The following ZDHHC11 variants were observed in gnomAD, a reference collection of about 807,000 sequenced individuals.
ZDHHC11 encodes zDHHC palmitoyltransferase 11.
ZDHHC11 carries 44 observed loss-of-function variants against 51.3 expected under a neutral mutation model. That is an observed-to-expected ratio of 0.86 (90% CI 0.67 to 1.10). The LOEUF (loss-of-function observed/expected upper bound fraction) is 1.10. Ranked by LOEUF, ZDHHC11 falls within the 50% of genes least tolerant of loss-of-function variation. The pLI is 0.00. For missense variants in ZDHHC11, 400 were observed against 537.7 expected (o/e 0.74, Z 2.53); for synonymous variants, 163 against 222.0 (o/e 0.73, Z 2.36).
chr5:800,638 A>G (rs1012203740), intron 12 of ZDHHC11, among the ~76,000 whole-genome samples: 3 of 151,430 alleles, frequency 2.0e-5, no homozygotes, highest in African/African-American at 7.3e-5. Flanking sequence ...CTGGAAGTAA[A>G]TGATCATTTG....
chr5:797,286 AT>A (rs1337580017), intron 12 of ZDHHC11, among the ~76,000 whole-genome samples: 3 of 151,396 alleles, frequency 2.0e-5, no homozygotes, highest in Non-Finnish European at 4.4e-5. Flanking sequence ...TGTGTCTAGA[AT>A]TTTATTTCCC....
At chr5:837,342 T>C (rs563724091) in intron 6 of ZDHHC11, 23 bp downstream of exon 6, 11 of 1,613,590 alleles carry the variant, frequency 6.8e-6, no homozygotes, top group East Asian at 2.2e-5. Context: ...CCTGGAGAAA[T>C]GGAGCAGAGA....
intron 11 of ZDHHC11, among the ~76,000 whole-genome samples, chr5:808,882 T>A (rs1739679255): frequency 1.4e-5 from 2 of 147,358 alleles, no homozygotes; most frequent in East Asian, 4.0e-4. Context: ...GTATTTTTAG[T>A]AGAGACAGGG....
intron 8 of ZDHHC11, among the ~76,000 whole-genome samples, chr5:824,688 C>T (rs1742057310): frequency 6.6e-6 from 1 of 151,356 alleles, no homozygotes; most frequent in South Asian, 2.1e-4. Context: ...AACCACACAC[C>T]ATACACTTGT....
At chr5:819,675 T>C in intron 9 of ZDHHC11, 63 bp from the exon 10 acceptor site, 1 of 1,537,358 alleles carries the variant, frequency 6.5e-7, no homozygotes, top group Non-Finnish European at 9.0e-7. Context: ...AGGATGGCAC[T>C]GGAGGCTACA....
At chr5:849,009 T>A (rs757702957) in intron 1 of ZDHHC11, among the ~76,000 whole-genome samples, 1 of 145,800 alleles carries the variant, frequency 6.9e-6, no homozygotes, top group Admixed American at 6.8e-5. Context: ...GCCCTGCTCA[T>A]CCAGTCTTGC....
At chr5:857,912 C>A (rs1263323546) in intron 1 of ZDHHC11, among the ~76,000 whole-genome samples, 2 of 146,786 alleles carry the variant, frequency 1.4e-5, no homozygotes, top group African/African-American at 2.5e-5. Flanking sequence ...TCCCCTGAGT[C>A]TGTCCAGGTC....
At chr5:799,609 G>A (rs1362740177) in intron 12 of ZDHHC11, among the ~76,000 whole-genome samples, 12 of 150,754 alleles carry the variant, frequency 8.0e-5, no homozygotes, top group African/African-American at 9.7e-5. Flanking sequence ...TCGGCCAAGC[G>A]TCCAGCTCCA....
chr5:841,001 G>A lies in ZDHHC11; in HGVS notation c.629-351C>T, dbSNP rs947674199. 5 of 1,260,086 alleles carry A rather than the reference G, an allele frequency of 4.0e-6. No homozygotes were observed. In the Admixed American group the frequency reaches 1.1e-4, roughly 28 times the overall value. 78.1% of individuals were successfully genotyped at this position (1,260,086 alleles called of 1,614,324 possible). On this transcript the variant is annotated intron_variant, in intron 4 of 12. Transcript: ENST00000283441. ...GCGCCCACCCCTTCCTAAGTGCCGG[G>A]GTCACAGCGCCCACCCCCCTTCCTC...
At chr5:821,742 C>T in intron 9 of ZDHHC11, 119 bp downstream of exon 9, 1 of 1,064,410 alleles carries the variant, frequency 9.4e-7, no homozygotes, top group Non-Finnish European at 1.3e-6. Flanking sequence ...CCTCCTGGCA[C>T]TTCAGGATAT....
rs112796980 is a variant in ZDHHC11, at chr5:820,989, T to C, written c.1058+872A>G. On this transcript the variant is annotated intron_variant, in intron 9 of 12. Transcript: ENST00000283441. Reference sequence around the variant, plus strand: ...GGCCTTTCAATTTGATGGGGAAAGGTGCAATATTTAATACATGAGGTGAAA... The same window carrying C: ...GGCCTTTCAATTTGATGGGGAAAGGCGCAATATTTAATACATGAGGTGAAA... 9.7e-3 allele frequency among the ~76,000 whole-genome samples: 1,459 copies of C among 151,044 alleles called. 33 individuals carry two copies. Among genetic ancestry groups the C allele is most frequent in the African/African-American group, 0.033 (1,352 of 41,184 alleles).
chr5:828,170 C>T (rs1742550145), intron 7 of ZDHHC11, among the ~76,000 whole-genome samples: 1 of 151,474 alleles, frequency 6.6e-6, no homozygotes. Flanking sequence ...TCCGATTTCT[C>T]AATCTTTTCC....
chr5:816,755 G>T, intron 10 of ZDHHC11: 1 of 506,496 alleles, frequency 2.0e-6, no homozygotes, highest in African/African-American at 1.9e-5. Context: ...GTGGCCCACA[G>T]AAAAGAGCCT....
chr5:824,184 C>A (rs1191286391), intron 8 of ZDHHC11: 2 of 424,048 alleles, frequency 4.7e-6, no homozygotes, highest in Admixed American at 2.6e-5. Flanking sequence ...TGCGGCCTGG[C>A]GTGGTGGCTC....
chr5:819,582 G>C lies in ZDHHC11; in HGVS notation c.1089C>G (p.Cys363Trp). Reference protein sequence around the residue: ...GAKARNSRLICRRLCQFSTRV... With the variant: ...GAKARNSRLIWRRLCQFSTRV... ...GAGTGGAGAACTGACACAGGCGCCT[G>C]CAAATCAGCCGGGAGTTCCTGGCCT... Residue 363 changes from cysteine (C) to tryptophan (W), a missense_variant, in exon 10 of 13, where the codon TGC (cysteine) becomes TGG (tryptophan). By Grantham distance (215) the Cys-to-Trp change is radical (BLOSUM62 -2). Around this residue, in one of 5 missense-constraint regions of ZDHHC11, gnomAD observed 231 missense variants for 227.4 expected, o/e 1.02. Coordinates refer to ENST00000283441, the MANE Select transcript of ZDHHC11 (RefSeq NM_024786.3). 6.2e-7 allele frequency: 1 copy of C among 1,609,854 alleles called. No homozygotes were observed.
chr5:840,234 C>G, intron 5 of ZDHHC11: 1 of 715,338 alleles, frequency 1.4e-6, no homozygotes, highest in South Asian at 1.5e-5. Context: ...ACCACTCCTG[C>G]AGGTCTCGGC....
At chr5:844,942 G>A (rs1240311036) in intron 3 of ZDHHC11, among the ~76,000 whole-genome samples, 1 of 152,304 alleles carries the variant, frequency 6.6e-6, no homozygotes, top group Non-Finnish European at 1.5e-5. Context: ...CTGCCATGAT[G>A]ATATTTTTTT....
chr5:814,779 G>C lies in ZDHHC11; in HGVS notation c.1163C>G (p.Pro388Arg), dbSNP rs778647556. Residue 388 changes from proline to arginine, a missense_variant, in exon 11 of 13, where the codon CCG becomes CGG. By Grantham distance (103) the Pro-to-Arg change is moderately radical (BLOSUM62 -2). Transcript: ENST00000283441. Reference sequence around the variant, plus strand: ...AACTTACCCAAGTGTAGATATACTCGGGGCATCATCTGCTTCCTGTGGGGG... The same window carrying C: ...AACTTACCCAAGTGTAGATATACTCCGGGCATCATCTGCTTCCTGTGGGGG... Reference protein sequence around the residue: ...GSMAQEADDAPSISTLGLQQE... With the variant: ...GSMAQEADDARSISTLGLQQE... The C allele has an allele frequency of 3.2e-6, 5 of 1,556,730 alleles. No individual in the cohort carries two copies. In the East Asian group the frequency reaches 1.2e-4, roughly 37 times the overall value.
Position 801,136 on chromosome 5 carries a change from T to G in ZDHHC11, c.1210A>C (p.Lys404Gln). Residue 404 changes from lysine to glutamine, a missense_variant, in exon 12 of 13, where the codon AAA becomes CAA. Lys to Gln is a moderately conservative substitution (Grantham distance 53). Transcript: ENST00000283441. ...GLQQETTEPM[K>Q]TDSAESED is the part of the protein sequence containing the mutation. ...TCTTCACTTTCAGCACTGTCAGTTT[T>G]CATGGGCTCTGTTGTTTCTTGTTGC... 1 of 1,610,872 alleles carries G rather than the reference T, an allele frequency of 6.2e-7. No individual in the cohort carries two copies. The highest frequency in any genetic ancestry group is 8.5e-7 in the Non-Finnish European group (1 of 1,177,676).
Sources: allele counts gnomAD v4.1 joint callset (sites outside exome capture counted in the v4.1 genomes callset), GRCh38; gene constraint gnomAD v4.1.1; regional missense constraint gnomAD v4.1.1; transcripts MANE v1.5; gene names NCBI Gene and HGNC (gene_info 2026-07-23, HGNC 2026-07-21).